The following PIGR variants were observed in gnomAD, a reference collection of about 807,000 sequenced individuals.
PIGR encodes the protein hepatocellular carcinoma associated protein TB6.
PIGR carries 22 observed loss-of-function variants against 69.5 expected under a neutral mutation model. The observed-to-expected ratio is 0.32, with a 90% CI of 0.23 to 0.45. The LOEUF is 0.45. PIGR is among the 20% of genes least tolerant of loss of function. The probability of loss-of-function intolerance (pLI) is 1.00; values close to 1 mark genes in which losing one functional copy is unlikely to be tolerated. For synonymous variants in PIGR, 413 were observed against 407.6 expected, an observed-to-expected ratio of 1.01 and a Z score of -0.16; for missense variants, 885 against 974.0, an observed-to-expected ratio of 0.91 and a Z score of 1.22.
chr1:206,940,091 C>T (rs919046474), intron 2 of PIGR, among the ~76,000 whole-genome samples: 3 of 152,190 alleles, frequency 2.0e-5, no homozygotes, highest in Non-Finnish European at 4.4e-5. Context: ...GTGTTATTTC[C>T]TTATATTTCT....
chr1:206,935,833 A>G lies in PIGR; in HGVS notation c.1046-15T>C. ...AATCGTGGACTCTGGAAGCACAGAC[A>G]GAGATGGGATGGGAGGATGGCCACG... is the stretch of plus-strand genomic sequence containing the variant. On this transcript the variant is annotated splice_polypyrimidine_tract_variant and intron_variant, in intron 4 of 10. Coordinates refer to ENST00000356495, the MANE Select transcript of PIGR (RefSeq NM_002644.4). This position sits in a 1 kb window ranked among gnomAD's most constrained non-coding sequence, Gnocchi z 4.4. The G allele has an allele frequency of 6.4e-7, 1 of 1,574,256 alleles. No individual in the cohort carries two copies. The highest frequency in any genetic ancestry group is 8.7e-7 in the Non-Finnish European group (1 of 1,154,514).
In PIGR at chr1:206,933,044, C is replaced by T. The variant is rs1309157790; in HGVS notation, c.1828G>A (p.Ala610Thr). 1.9e-6 allele frequency: 3 copies of T among 1,614,116 alleles called. No individual in the cohort carries two copies. The African/African-American group carries it at 4.0e-5, about 22-fold the overall frequency. The change falls in exon 7 of 11, where the codon GCG (alanine) becomes ACG (threonine). Residue 610 changes from alanine (A) to threonine (T), a missense_variant. Physicochemically the swap from Ala to Thr is moderately conservative, Grantham distance 58. Coordinates refer to ENST00000356495, the MANE Select transcript of PIGR (RefSeq NM_002644.4). ...GCTTGATCTCTTGTATCTGCCACCG[C>T]CTTTTCCTCTGCAAAAAGCCTGGGA... is the stretch of plus-strand genomic sequence containing the variant. The part of the protein sequence containing the change: ...QDPRLFAEEK[A>T]VADTRDQADG...
At chr1:206,932,875 G>A in intron 7 of PIGR, 111 bp downstream of exon 7, 3 of 1,087,298 alleles carry the variant, frequency 2.8e-6, no homozygotes, top group Non-Finnish European at 4.0e-6. Context: ...AGTAAGGGCT[G>A]CCCCAGTGCT....
Position 206,935,850 on chromosome 1 carries a change from A to G in PIGR, c.1046-32T>C. The G allele has an allele frequency of 1.3e-6, 2 of 1,526,802 alleles. No homozygotes were observed. The highest frequency in any genetic ancestry group is 1.8e-6 in the Non-Finnish European group (2 of 1,123,166). 94.6% of individuals were successfully genotyped at this position (1,526,802 alleles called of 1,614,324 possible). On this transcript the variant is annotated intron_variant, in intron 4 of 10. Coordinates refer to ENST00000356495, the MANE Select transcript of PIGR (RefSeq NM_002644.4). This position sits in a 1 kb window ranked among gnomAD's most constrained non-coding sequence, Gnocchi z 4.4. ...GCACAGACAGAGATGGGATGGGAGG[A>G]TGGCCACGCAGGAAGAGCCTTGCGT...
Position 206,935,610 on chromosome 1 carries a change from C to T in PIGR, c.1254G>A (p.Glu418=), listed in dbSNP as rs1261474078. Residue 418 remains glutamate, a synonymous_variant, in exon 5 of 11, where the codon GAG becomes GAA. Coordinates refer to ENST00000356495, the MANE Select transcript of PIGR (RefSeq NM_002644.4). This position sits in a 1 kb window ranked among gnomAD's most constrained non-coding sequence, Gnocchi z 4.4. ...TGACAGTGAAGGTGCCGTTGCCTGG[C>T]TCCTCCAGCAGGGAGAGGCGGCCCT... ...QYEGRLSLLE[E]PGNGTFTVIL... 3 of 1,614,224 alleles carry T rather than the reference C, an allele frequency of 1.9e-6. No individual in the cohort carries two copies. The highest frequency in any genetic ancestry group is 2.5e-6 in the Non-Finnish European group (3 of 1,180,030).
At chr1:206,934,384 G>A (rs1006771830) in intron 6 of PIGR, 36 bp downstream of exon 6, 6 of 1,569,188 alleles carry the variant, frequency 3.8e-6, no homozygotes, top group Non-Finnish European at 4.3e-6. Context: ...CTGCCTCTGG[G>A]TCTGAGGGGT....
intron 3 of PIGR, among the ~76,000 whole-genome samples, chr1:206,938,632 A>T (rs549281088): frequency 6.6e-6 from 1 of 152,280 alleles, no homozygotes; most frequent in Non-Finnish European, 1.5e-5. Context: ...AAGATCTAAT[A>T]ATCTAATTTA....
In PIGR at chr1:206,939,450, C is replaced by G; in HGVS notation, c.57G>C (p.Lys19Asn). 6.3e-7 allele frequency: 1 copy of G among 1,598,456 alleles called. No individual in the cohort carries two copies. Among genetic ancestry groups the G allele is most frequent in the Non-Finnish European group, 8.6e-7 (1 of 1,168,092 alleles). Residue 19 changes from lysine (K) to asparagine (N), a missense_variant, in exon 3 of 11, where the codon AAG (lysine) becomes AAC (asparagine). Lys to Asn is a moderately conservative substitution (Grantham distance 94, BLOSUM62 0). Transcript: ENST00000356495. ...LLAVFPAIST[K>N]SPIFGPEEVN... is the part of the protein sequence containing the mutation. ...CCTCCTCGGGACCAAATATGGGACT[C>G]TTCGTGGAGATGGCTGTGGGAACAG... is the stretch of plus-strand genomic sequence containing the variant.
At position 206,934,454 on chromosome 1, in the gene PIGR, G is replaced by T; in HGVS notation, c.1671C>A (p.Ala557=). Residue 557 remains alanine, a synonymous_variant, in exon 6 of 11, where the codon GCC becomes GCA. Coordinates refer to ENST00000356495, the MANE Select transcript of PIGR (RefSeq NM_002644.4). ...TCCTCTCTTCAACTGCCACATAGAC[G>T]GCTGCAGTCTCTCCATAGAAGTGGC... ...KQGHFYGETA[A]VYVAVEERKA... is the part of the protein sequence containing the mutation. The T allele has an allele frequency of 6.2e-7, 1 of 1,614,012 alleles. No individual in the cohort carries two copies. The highest frequency in any genetic ancestry group is 8.5e-7 in the Non-Finnish European group (1 of 1,179,946).
chr1:206,940,819 T>C (rs960360251), intron 1 of PIGR, among the ~76,000 whole-genome samples: 5 of 152,178 alleles, frequency 3.3e-5, no homozygotes, highest in African/African-American at 1.2e-4. Context: ...AGCTGCAAGC[T>C]CCTTTGGGAT....
Position 206,940,595 on chromosome 1 carries a change from A to G in PIGR, c.-53-11T>C. ...TTCTCCTGTGCAATGCTGAAAAACA[A>G]TAATCACAAGGAGATGAAGCGCCCC... On this transcript the variant is annotated splice_polypyrimidine_tract_variant and intron_variant, in intron 1 of 10. Transcript: ENST00000356495. 11 of 1,482,194 alleles carry G rather than the reference A, an allele frequency of 7.4e-6. No homozygotes were observed. Among genetic ancestry groups the G allele is most frequent in the Non-Finnish European group, 9.1e-6 (10 of 1,099,462 alleles). The allele number at this position is 1,482,194 out of a possible 1,614,324, so 91.8% of individuals were successfully genotyped here.
intron 1 of PIGR, among the ~76,000 whole-genome samples, chr1:206,945,138 C>T (rs73072431): frequency 3.3e-4 from 50 of 152,200 alleles, no homozygotes; most frequent in African/African-American, 9.2e-4. Context: ...CATCCAGGGG[C>T]GGGACAAGGA....
intron 3 of PIGR, among the ~76,000 whole-genome samples, chr1:206,938,265 G>C (rs1373223981): frequency 6.6e-6 from 1 of 152,212 alleles, no homozygotes; most frequent in Non-Finnish European, 1.5e-5. Context: ...CTGCTAAAGT[G>C]CTTAATCAGA....
At chr1:206,936,431 G>A (rs950429716) in intron 4 of PIGR, among the ~76,000 whole-genome samples, 2 of 151,760 alleles carry the variant, frequency 1.3e-5, no homozygotes, top group African/African-American at 4.8e-5. Flanking sequence ...GAGAATATAA[G>A]CCCCTTTAAA....
Position 206,937,548 on chromosome 1 carries a change from T to G in PIGR, c.592A>C (p.Thr198Pro). The G allele has an allele frequency of 2.5e-6, 4 of 1,614,002 alleles. No homozygotes were observed. Among genetic ancestry groups the G allele is most frequent in the Non-Finnish European group, 3.4e-6 (4 of 1,179,810 alleles). ...ACAACGCTGAACAGTAACTGGCCAG[T>G]ACCCTGAATATCAAGGCGTATTCTT... is the stretch of plus-strand genomic sequence containing the variant. ...TGRIRLDIQG[T>P]GQLLFSVVIN... Residue 198 changes from threonine (T) to proline (P), a missense_variant, in exon 4 of 11, where the codon ACT becomes CCT. Coordinates refer to ENST00000356495, the MANE Select transcript of PIGR (RefSeq NM_002644.4).
intron 4 of PIGR, among the ~76,000 whole-genome samples, chr1:206,936,380 T>C (rs1679863048): frequency 6.6e-6 from 1 of 152,148 alleles, no homozygotes; most frequent in Non-Finnish European, 1.5e-5. Context: ...ATGCAGGGGA[T>C]TCTGGTGAAA....
Position 206,937,072 on chromosome 1 carries a change from C to CT in PIGR, c.1045+22_1045+23insA, listed in dbSNP as rs1267941984. ...ACCTGCGAGACTGCCCCACCTACTC[C>CT]CCCTCCCTCTCTAGGGTCTTACCCT... is the stretch of plus-strand genomic sequence containing the variant. On this transcript the variant is annotated intron_variant, in intron 4 of 10. Coordinates refer to ENST00000356495, the MANE Select transcript of PIGR (RefSeq NM_002644.4). 1.9e-6 allele frequency: 3 copies of CT among 1,545,880 alleles called. No homozygotes were observed. In the African/African-American group the frequency reaches 4.1e-5, roughly 21 times the overall value.
At chr1:206,942,147 G>C (rs1255585067) in intron 1 of PIGR, among the ~76,000 whole-genome samples, 1 of 152,254 alleles carries the variant, frequency 6.6e-6, no homozygotes, top group African/African-American at 2.4e-5. Flanking sequence ...AATAAAGGGA[G>C]GGAGTGGGAA....
chr1:206,946,301 A>T (rs954602799), intron 1 of PIGR, 35 bp downstream of exon 1: 9 of 152,336 alleles, frequency 5.9e-5, no homozygotes, highest in South Asian at 2.1e-4. Context: ...TCCAGATAGC[A>T]TCCCGTCTGG....
Sources: allele counts gnomAD v4.1 joint callset (sites outside exome capture counted in the v4.1 genomes callset), GRCh38; gene constraint gnomAD v4.1.1; non-coding constraint Gnocchi (gnomAD v3.1); transcripts MANE v1.5; gene names NCBI Gene and HGNC (gene_info 2026-07-23, HGNC 2026-07-21).